NCAM2: variants seen among roughly 807,000 people sequenced by gnomAD.
NCAM2 encodes the protein N-CAM-2.
In NCAM2, 30 loss-of-function variants were observed where a neutral mutation model predicts 98.1. The observed-to-expected ratio is 0.31, with a 90% confidence interval of 0.23 to 0.41. NCAM2 has a LOEUF of 0.41. Among genes scored for constraint, NCAM2 ranks in the 10% least tolerant of loss-of-function variants. The pLI, the probability that NCAM2 is intolerant of heterozygous loss-of-function variation, is 1.00. For missense variants in NCAM2, 867 were observed against 1,005.8 expected (o/e 0.86, Z 1.87); for synonymous variants, 368 against 342.4 (o/e 1.07, Z -0.83).
chr21:21,421,766 A>G (rs1316104952), intron 11 of NCAM2, among the ~76,000 whole-genome samples: 3 of 152,314 alleles, frequency 2.0e-5, no homozygotes, highest in Admixed American at 6.5e-5. Flanking sequence ...GGTCAAGATC[A>G]TTTGGCATAT....
intron 1 of NCAM2, among the ~76,000 whole-genome samples, chr21:21,052,150 A>ATTTTTTTTTTTTTTTTTTTTT (rs5842877): frequency 2.7e-5 from 2 of 74,808 alleles, no homozygotes; most frequent in African/African-American, 1.2e-4. Context: ...CATGATGGCC[A>ATTTTTTTTTTTTTTTTTTTTT]TTTTTTTTTT....
At chr21:21,228,281 T>C (rs1003931538) in intron 1 of NCAM2, among the ~76,000 whole-genome samples, 3 of 151,510 alleles carry the variant, frequency 2.0e-5, no homozygotes, top group Admixed American at 6.6e-5. Context: ...ACATGATTAA[T>C]GGAAATAGAA....
chr21:21,494,469 A>G (rs1211734294), intron 15 of NCAM2, among the ~76,000 whole-genome samples: 5 of 151,208 alleles, frequency 3.3e-5, no homozygotes, highest in African/African-American at 4.9e-5. Context: ...TTTGGGTCAT[A>G]TTCATGCAAA....
chr21:21,119,989 A>T (rs767360740), intron 1 of NCAM2, among the ~76,000 whole-genome samples: 2 of 152,182 alleles, frequency 1.3e-5, no homozygotes, highest in Admixed American at 6.5e-5. Context: ...CTAAGCACTG[A>T]TACTTCTCCA....
In NCAM2 at chr21:21,457,057, G is replaced by A. The variant is rs571180565; in HGVS notation, c.1655-9549G>A. Among the ~76,000 whole-genome samples, 74 of 152,282 alleles carry A rather than the reference G, an allele frequency of 4.9e-4. 2 individuals carry two copies. In the South Asian group the frequency reaches 0.012, roughly 24 times the overall value. On this transcript the variant is annotated intron_variant, in intron 12 of 17. Coordinates refer to ENST00000400546, the MANE Select transcript of NCAM2 (RefSeq NM_004540.5). ...AGAGGTGCTGCTCTAACAAATACCT[G>A]AAAATGTAGAAGAGGGTTTAGAATT... is the stretch of plus-strand genomic sequence containing the variant.
At chr21:21,039,754 A>C (rs1265968239) in intron 1 of NCAM2, among the ~76,000 whole-genome samples, 1 of 152,212 alleles carries the variant, frequency 6.6e-6, no homozygotes, top group African/African-American at 2.4e-5. Flanking sequence ...ACATATGCAA[A>C]TCACTGAAGT....
At chr21:21,082,738 T>A (rs1489365644) in intron 1 of NCAM2, among the ~76,000 whole-genome samples, 1 of 152,206 alleles carries the variant, frequency 6.6e-6, no homozygotes, top group African/African-American at 2.4e-5. Flanking sequence ...TGTTTTTATG[T>A]ATTAGAACTG....
intron 8 of NCAM2, among the ~76,000 whole-genome samples, chr21:21,353,640 A>G (rs772176393): frequency 2.0e-5 from 3 of 152,284 alleles, no homozygotes; most frequent in Non-Finnish European, 4.4e-5. Context: ...TAGATTTCTT[A>G]TATCATCATC....
chr21:21,078,249 T>C (rs900426034), intron 1 of NCAM2, among the ~76,000 whole-genome samples: 3 of 152,228 alleles, frequency 2.0e-5, no homozygotes, highest in African/African-American at 4.8e-5. Flanking sequence ...TGCTCAGGTA[T>C]ATGTGTGCTT....
intron 12 of NCAM2, among the ~76,000 whole-genome samples, chr21:21,434,565 G>T (rs908139590): frequency 6.6e-6 from 1 of 151,960 alleles, no homozygotes; most frequent in African/African-American, 2.4e-5. Context: ...GTATAAACAT[G>T]AATTTTAAAT....
chr21:21,300,460 G>T (rs2073672725), intron 5 of NCAM2, among the ~76,000 whole-genome samples: 1 of 151,954 alleles, frequency 6.6e-6, no homozygotes, highest in African/African-American at 2.4e-5. Context: ...TCCTTACCTT[G>T]GCCAAAAGTC....
intron 1 of NCAM2, among the ~76,000 whole-genome samples, 156 bp downstream of exon 1, chr21:20,998,774 T>C (rs1299845749): frequency 6.6e-6 from 1 of 152,208 alleles, no homozygotes; most frequent in East Asian, 1.9e-4. Flanking sequence ...CTCCTAGCTG[T>C]CCCTAAAATT....
intron 1 of NCAM2, among the ~76,000 whole-genome samples, chr21:21,019,221 C>T (rs538900009): frequency 1.5e-4 from 23 of 152,318 alleles, no homozygotes; most frequent in African/African-American, 5.3e-4. Flanking sequence ...AGTGAAGCCT[C>T]GCTCTGTATA....
chr21:21,338,253 A>G, intron 7 of NCAM2, 136 bp from the exon 8 acceptor site: 5 of 799,232 alleles, frequency 6.3e-6, no homozygotes, highest in Admixed American at 3.4e-5. Flanking sequence ...CTGTAAGGCA[A>G]AGCAGGCCAC....
intron 1 of NCAM2, among the ~76,000 whole-genome samples, chr21:21,056,488 G>GTC (rs994108954): frequency 3.5e-5 from 4 of 114,230 alleles, no homozygotes; most frequent in African/African-American, 1.3e-4. Flanking sequence ...ACAGAGATAT[G>GTC]TCTGTGTGTG....
At chr21:21,130,447 A>C (rs1166681633) in intron 1 of NCAM2, among the ~76,000 whole-genome samples, 1 of 152,148 alleles carries the variant, frequency 6.6e-6, no homozygotes, top group African/African-American at 2.4e-5. Context: ...TACGTGCATC[A>C]ATCTCCCAAA....
chr21:21,259,733 A>G (rs2071819338), intron 1 of NCAM2, among the ~76,000 whole-genome samples: 1 of 152,094 alleles, frequency 6.6e-6, no homozygotes, highest in Admixed American at 6.6e-5. Context: ...GATTGCTACA[A>G]GAAGAACCAT....
intron 1 of NCAM2, among the ~76,000 whole-genome samples, chr21:21,227,469 GAT>G (rs2070434973): frequency 6.6e-6 from 1 of 151,686 alleles, no homozygotes; most frequent in South Asian, 2.1e-4. Context: ...ATAATAACAA[GAT>G]ATGTTTATTG....
At chr21:21,236,448 A>AT (rs1007573762) in intron 1 of NCAM2, among the ~76,000 whole-genome samples, 15 of 150,840 alleles carry the variant, frequency 9.9e-5, no homozygotes, top group South Asian at 4.2e-4. Context: ...TTTCTTTGTA[A>AT]TTTTTTTTTG....
Sources: gnomAD v4.1 joint callset for allele counts (sites outside exome capture counted in the v4.1 genomes callset) on GRCh38, gnomAD v4.1.1 for gene constraint, MANE v1.5 for transcripts, NCBI Gene and HGNC (gene_info 2026-07-23, HGNC 2026-07-21) for gene names.